RAD51D: variants seen among roughly 807,000 people sequenced by gnomAD.
RAD51D encodes RAD51 paralog D, also known as DNA repair protein RAD51 homolog 4.
In RAD51D, 38 loss-of-function variants were observed where a neutral mutation model predicts 44.1. The observed-to-expected ratio is 0.86, with a 90% confidence interval of 0.67 to 1.13. The LOEUF is 1.13. Among genes scored for constraint, RAD51D ranks in the 50% most tolerant of loss-of-function variants. RAD51D has a pLI of 0.00. For missense variants in RAD51D, 390 were observed against 414.0 expected (o/e 0.94, Z 0.50); for synonymous variants, 141 against 166.6 (o/e 0.85, Z 1.18).
intron 8 of RAD51D, among the ~76,000 whole-genome samples, chr17:35,102,478 G>C (rs1043718487): frequency 6.6e-6 from 1 of 151,726 alleles, no homozygotes; most frequent in Non-Finnish European, 1.5e-5. Context: ...AGTTTAGTTA[G>C]AAAGCTGGTT....
chr17:35,103,914 C>T lies in RAD51D; in HGVS notation c.577-370G>A, dbSNP rs1022990304. Among the ~76,000 whole-genome samples, 2 of 152,118 alleles carry T rather than the reference C, an allele frequency of 1.3e-5. No homozygotes were observed. Among genetic ancestry groups the T allele is most frequent in the African/African-American group, 2.4e-5 (1 of 41,422 alleles). ...CCAACATGGTGAAACCCCGTCTCCA[C>T]TAAACATACAAAAATTAGCTGGGCG... On this transcript the variant is annotated intron_variant, in intron 6 of 9. Coordinates refer to ENST00000345365, the MANE Select transcript of RAD51D (RefSeq NM_002878.4). The surrounding 1 kb of genome is among the most constrained non-coding windows in gnomAD (Gnocchi z 4.1).
rs1221144260 is a variant in RAD51D, at chr17:35,097,024, A to G, written c.*3929T>C. The G allele has an allele frequency of 6.6e-6, 1 of 152,188 alleles. No homozygotes were observed. The highest frequency in any genetic ancestry group is 2.4e-5 in the African/African-American group (1 of 41,438). 9.4% of individuals were successfully genotyped at this position (152,188 alleles called of 1,614,324 possible). On this transcript the variant is annotated 3_prime_UTR_variant, in exon 10 of 10. Coordinates refer to ENST00000345365, the MANE Select transcript of RAD51D (RefSeq NM_002878.4). ...TGCTAGCACATAGTAGGATCTCAAC[A>G]TTAATTTCATCTGATGTCAGACGAA...
In RAD51D at chr17:35,119,694, C is replaced by T. The variant is rs780605676; in HGVS notation, c.-81G>A. On this transcript the variant is annotated 5_prime_UTR_variant, in exon 1 of 10. Coordinates refer to ENST00000345365, the MANE Select transcript of RAD51D (RefSeq NM_002878.4). The stretch of plus-strand genomic sequence containing the variant: ...GGGGGGTCCTCTCCAGACGCCCCTC[C>T]CCTACCCCTTCCTAGAGAGGACACA... 3.6e-6 allele frequency: 5 copies of T among 1,408,166 alleles called. No homozygotes were observed. Among genetic ancestry groups the T allele is most frequent in the Non-Finnish European group, 5.0e-6 (5 of 1,006,372 alleles). The allele number at this position is 1,408,166 out of a possible 1,614,324, so 87.2% of individuals were successfully genotyped here.
chr17:35,102,053 G>T (rs2091545216), intron 8 of RAD51D, among the ~76,000 whole-genome samples: 1 of 152,088 alleles, frequency 6.6e-6, no homozygotes, highest in African/African-American at 2.4e-5. Flanking sequence ...TAAATTTTAT[G>T]TTACATGTAT....
At chr17:35,102,224 C>A (rs1288616738) in intron 8 of RAD51D, among the ~76,000 whole-genome samples, 3 of 151,974 alleles carry the variant, frequency 2.0e-5, no homozygotes, top group Non-Finnish European at 2.9e-5. Flanking sequence ...GTTGCCCAGG[C>A]TGGAGTGCAG....
chr17:35,113,645 C>T (rs1013255067), intron 3 of RAD51D: 2 of 363,462 alleles, frequency 5.5e-6, no homozygotes, highest in African/African-American at 4.3e-5. Flanking sequence ...CTGGTTACCA[C>T]TCTAGCCCTG....
chr17:35,106,488 C>A lies in RAD51D; in HGVS notation c.481-7G>T, dbSNP rs145832514. The A allele has an allele frequency of 9.3e-6, 15 of 1,607,834 alleles. 1 individual carries two copies. The South Asian group carries it at 1.3e-4, about 14-fold the overall frequency. ...TCCTCCGGAGAGCTTCTGCCTGAAG[C>A]GGTGGAAAAGAAAAGCAAGGACTTT... On this transcript the variant is annotated splice_region_variant and splice_polypyrimidine_tract_variant and intron_variant, in intron 5 of 9. Transcript: ENST00000345365.
chr17:35,101,355 TG>T lies in RAD51D; in HGVS notation c.748del (p.His250ThrfsTer2), dbSNP rs587780105. 2.3e-5 allele frequency: 37 copies of T among 1,613,900 alleles called. No individual in the cohort carries two copies. Among genetic ancestry groups the T allele is most frequent in the Non-Finnish European group, 3.1e-5 (37 of 1,180,018 alleles). On this transcript the variant is annotated frameshift_variant, in exon 9 of 10. Coordinates refer to ENST00000345365, the MANE Select transcript of RAD51D (RefSeq NM_002878.4). LOFTEE classifies it high-confidence loss of function. ...DLGMAVVVTNHITRDRDSGRL... is the reference protein window; with the variant it reads ...DLGMAVVVTNXITRDRDSGRL... ...CCCGCTGTCCCTGTCTCGAGTTATG[TG>T]GTTGGTCACCTGCAGCAGAAACAGA... is the stretch of plus-strand genomic sequence containing the variant.
intron 3 of RAD51D, among the ~76,000 whole-genome samples, chr17:35,111,104 C>A (rs565111100): frequency 1.1e-3 from 155 of 142,098 alleles, no homozygotes; most frequent in African/African-American, 4.0e-3. Flanking sequence ...TCAGGCCAGG[C>A]GCGTTGACTC....
In RAD51D at chr17:35,119,661, G is replaced by A. The variant is rs759556682; in HGVS notation, c.-48C>T. 8 of 1,591,758 alleles carry A rather than the reference G, an allele frequency of 5.0e-6. No individual in the cohort carries two copies. Among genetic ancestry groups the A allele is most frequent in the African/African-American group, 1.3e-5 (1 of 74,820 alleles). On this transcript the variant is annotated 5_prime_UTR_variant, in exon 1 of 10. Coordinates refer to ENST00000345365, the MANE Select transcript of RAD51D (RefSeq NM_002878.4). ...CCCAGGGGGACTGCACGTCACGTGG[G>A]CATTCGCGGGGGGTCCTCTCCAGAC... is the stretch of plus-strand genomic sequence containing the variant.
Position 35,097,455 on chromosome 17 carries a change from A to ATATATATATGTGTGTATATATATGTGTG in RAD51D, c.*3497_*3498insCACACATATATATACACACATATATATA, listed in dbSNP as rs2091494017. 1.7e-5 allele frequency: 1 copy of ATATATATATGTGTGTATATATATGTGTG among 57,956 alleles called. No individual in the cohort carries two copies. Among genetic ancestry groups the ATATATATATGTGTGTATATATATGTGTG allele is most frequent in the African/African-American group, 5.8e-5 (1 of 17,358 alleles). The allele number at this position is 57,956 out of a possible 1,614,324, so 3.6% of individuals were successfully genotyped here. ...TATATGTGTGTATATATATGTGTGT[A>ATATATATATGTGTGTATATATATGTGTG]TATATATATATGTGTGTATATATAT... On this transcript the variant is annotated 3_prime_UTR_variant, in exon 10 of 10. Transcript: ENST00000345365.
chr17:35,115,934 A>AGGAAGGAG (rs2091733695), intron 3 of RAD51D, among the ~76,000 whole-genome samples: 1 of 146,794 alleles, frequency 6.8e-6, no homozygotes, highest in Non-Finnish European at 1.5e-5. Context: ...GAAGGAAGGA[A>AGGAAGGAG]GGAAGAAAGA....
Position 35,101,023 on chromosome 17 carries a change from T to C in RAD51D, c.917A>G (p.Gln306Arg), listed in dbSNP as rs748398937. The change falls in exon 10 of 10, where the codon CAG (glutamine) becomes CGG (arginine). Residue 306 changes from glutamine (Q) to arginine (R), a missense_variant. Gln to Arg is a conservative substitution (Grantham distance 43). Transcript: ENST00000345365. ...AKSSRQPTGFQEMVDIGTWGT... is the reference protein window; with the variant it reads ...AKSSRQPTGFREMVDIGTWGT... The stretch of plus-strand genomic sequence containing the variant: ...CCAGGTCCCAATGTCTACCATCTCC[T>C]GGAAACCTGTTGGCTGGAAGAAGAA... The C allele has an allele frequency of 1.2e-6, 2 of 1,613,634 alleles. No homozygotes were observed. Among genetic ancestry groups the C allele is most frequent in the South Asian group, 1.1e-5 (1 of 91,068 alleles).
intron 6 of RAD51D, chr17:35,106,172 A>G (rs758916480): frequency 1.4e-6 from 1 of 708,896 alleles, no homozygotes; most frequent in Non-Finnish European, 2.6e-6. Context: ...CCTTCCACTC[A>G]GGGGGCTTTA....
chr17:35,115,535 A>G (rs1351352714), intron 3 of RAD51D, among the ~76,000 whole-genome samples: 1 of 152,066 alleles, frequency 6.6e-6, no homozygotes, highest in East Asian at 1.9e-4. Flanking sequence ...CCTCCTCCCA[A>G]GTTTTAAAGT....
chr17:35,119,435 C>A lies in RAD51D; in HGVS notation c.82+97G>T, dbSNP rs1597878310. ...CGGCCCTCTAGGAATGGAGGGGAAG[C>A]GCCCTGCAGGTATGCCAGGGCAGTG... On this transcript the variant is annotated intron_variant, in intron 1 of 9. Coordinates refer to ENST00000345365, the MANE Select transcript of RAD51D (RefSeq NM_002878.4). 3.7e-6 allele frequency: 5 copies of A among 1,368,694 alleles called. No individual in the cohort carries two copies. The African/African-American group carries it at 4.3e-5, about 12-fold the overall frequency. 84.8% of individuals were successfully genotyped at this position (1,368,694 alleles called of 1,614,324 possible). A position where few individuals can be genotyped will look rare whatever the true frequency, so the allele number is the denominator to read the frequency against.
chr17:35,103,411 G>C lies in RAD51D; in HGVS notation c.667+43C>G, dbSNP rs200970026. ...AGACCAGACTCCAGAGCTGGGAGGC[G>C]AGGTCACATTCCACTGGCCCCAGGC... is the stretch of plus-strand genomic sequence containing the variant. On this transcript the variant is annotated intron_variant, in intron 7 of 9. Transcript: ENST00000345365. The surrounding 1 kb of genome is among the most constrained non-coding windows in gnomAD (Gnocchi z 4.1). 2.5e-6 allele frequency: 4 copies of C among 1,608,558 alleles called. No homozygotes were observed. The highest frequency in any genetic ancestry group is 2.6e-6 in the Non-Finnish European group (3 of 1,175,044).
At chr17:35,108,673 A>G (rs189908290) in intron 3 of RAD51D, among the ~76,000 whole-genome samples, 1 of 152,136 alleles carries the variant, frequency 6.6e-6, no homozygotes, top group Admixed American at 6.6e-5. Flanking sequence ...TTACACGACT[A>G]CTATAATCAA....
chr17:35,112,345 G>A (rs2091687749), intron 3 of RAD51D, among the ~76,000 whole-genome samples: 1 of 151,974 alleles, frequency 6.6e-6, no homozygotes, highest in African/African-American at 2.4e-5. Flanking sequence ...CAAAGTGCTG[G>A]GATTACAGGC....
Sources: allele counts gnomAD v4.1 joint callset (sites outside exome capture counted in the v4.1 genomes callset), GRCh38; gene constraint gnomAD v4.1.1; non-coding constraint Gnocchi (gnomAD v3.1); transcripts MANE v1.5; gene names NCBI Gene and HGNC (gene_info 2026-07-23, HGNC 2026-07-21).